Variants in RNF170 observed in about 807,000 individuals in gnomAD.
The protein encoded by RNF170 is E3 ubiquitin-protein ligase RNF170.
RNF170 carries 12 observed loss-of-function variants against 32.7 expected under a neutral mutation model. The observed-to-expected ratio is 0.37, with a 90% CI of 0.24 to 0.60. The LOEUF is 0.60. Among genes scored for constraint, RNF170 ranks in the 20% least tolerant of loss-of-function variants. The probability of loss-of-function intolerance (pLI) is 0.72; values close to 1 mark genes in which losing one functional copy is unlikely to be tolerated. For missense variants in RNF170, 212 were observed against 311.2 expected (o/e 0.68, Z 2.40); for synonymous variants, 91 against 103.6 (o/e 0.88, Z 0.74).
chr8:42,874,615 G>A (rs968077847), intron 2 of RNF170, among the ~76,000 whole-genome samples: 1 of 151,856 alleles, frequency 6.6e-6, no homozygotes, highest in African/African-American at 2.4e-5. Flanking sequence ...GGTGGCGGGC[G>A]CCTGTAATCT....
At chr8:42,880,251 G>A (rs907905541) in intron 2 of RNF170, among the ~76,000 whole-genome samples, 1 of 152,166 alleles carries the variant, frequency 6.6e-6, no homozygotes, top group East Asian at 1.9e-4. Context: ...ATCTAATCCT[G>A]GTAATGACAT....
At chr8:42,896,190 C>T in intron 1 of RNF170, 1 of 283,128 alleles carries the variant, frequency 3.5e-6, no homozygotes, top group Non-Finnish European at 7.0e-6. Context: ...AAGGAGAGTT[C>T]TCAGGGTCAC....
chr8:42,887,148 C>A (rs1355513568), intron 2 of RNF170, among the ~76,000 whole-genome samples: 2 of 151,940 alleles, frequency 1.3e-5, no homozygotes, highest in South Asian at 4.2e-4. Flanking sequence ...TAAAATAAGC[C>A]GGGCATGGTG....
intron 6 of RNF170, 81 bp downstream of exon 6, chr8:42,861,664 A>G (rs1464082804): frequency 8.7e-7 from 1 of 1,151,906 alleles, no homozygotes; most frequent in Non-Finnish European, 1.3e-6. Context: ...TAGTCAAAGA[A>G]TACTTGTTGG....
At chr8:42,883,751 T>G (rs972832545) in intron 2 of RNF170, among the ~76,000 whole-genome samples, 1 of 151,992 alleles carries the variant, frequency 6.6e-6, no homozygotes, top group South Asian at 2.1e-4. Context: ...TTAAAAAGTT[T>G]AACATGATAA....
At chr8:42,871,205 CA>C (rs35764216) in intron 3 of RNF170, among the ~76,000 whole-genome samples, 7,164 of 139,960 alleles carry the variant, frequency 0.051, 220 homozygotes, top group South Asian at 0.083. Flanking sequence ...GACCCTGTCT[CA>C]AAAAAAAAAA....
At chr8:42,861,460 C>A in intron 6 of RNF170, 1 of 330,434 alleles carries the variant, frequency 3.0e-6, no homozygotes, top group South Asian at 3.1e-5. Flanking sequence ...CCCATTTCAG[C>A]CTCCCAAGAA....
chr8:42,880,488 C>G (rs547294203), intron 2 of RNF170, among the ~76,000 whole-genome samples: 1 of 152,204 alleles, frequency 6.6e-6, no homozygotes, highest in East Asian at 1.9e-4. Flanking sequence ...TAAGAAATTG[C>G]CAGCCAGGCG....
chr8:42,885,001 C>T (rs148301452), intron 2 of RNF170, among the ~76,000 whole-genome samples: 7 of 19,296 alleles, frequency 3.6e-4, no homozygotes, highest in Admixed American at 1.0e-3. Flanking sequence ...CGCGCCCTGC[C>T]TCTCTTTTTA....
intron 2 of RNF170, among the ~76,000 whole-genome samples, chr8:42,875,444 T>C (rs1463951915): frequency 1.3e-5 from 2 of 152,182 alleles, no homozygotes; most frequent in East Asian, 1.9e-4. Context: ...GATTATTCAA[T>C]TGTTAGCAAA....
downstream of RNF170, chr8:42,850,898 T>A (rs1802923258): frequency 1.3e-6 from 2 of 1,551,576 alleles, no homozygotes; most frequent in East Asian, 2.4e-5. Context: ...GGCCCTGACC[T>A]GCATCCGACT....
rs1806916956 is a variant in RNF170 at position 42,896,555 on chromosome 8, G to A, written c.-79C>T. On this transcript the variant is annotated 5_prime_UTR_variant, in exon 1 of 7. Coordinates refer to ENST00000527424, the MANE Select transcript of RNF170 (RefSeq NM_030954.4). ...ACAGATTATTTCCAGGACCGCTCCCGCCACCCCTCCCGGGCAACCCACTAG... is the reference window on the plus strand; with the variant it reads ...ACAGATTATTTCCAGGACCGCTCCCACCACCCCTCCCGGGCAACCCACTAG... 2.2e-6 allele frequency: 1 copy of A among 453,828 alleles called. No individual in the cohort carries two copies. 28.1% of individuals were successfully genotyped at this position (453,828 alleles called of 1,614,324 possible). A position where few individuals can be genotyped will look rare whatever the true frequency, so the allele number is the denominator to read the frequency against.
intron 4 of RNF170, among the ~76,000 whole-genome samples, chr8:42,869,334 G>A (rs1052833987): frequency 6.6e-6 from 1 of 152,152 alleles, no homozygotes; most frequent in Admixed American, 6.5e-5. Context: ...CTTCTATGGC[G>A]TAAGAAGCCA....
intron 2 of RNF170, among the ~76,000 whole-genome samples, chr8:42,874,214 C>T (rs1342567152): frequency 1.3e-5 from 2 of 152,058 alleles, no homozygotes; most frequent in Admixed American, 6.6e-5. Flanking sequence ...CAGGTTCAAG[C>T]GGCAAATGGT....
intron 2 of RNF170, among the ~76,000 whole-genome samples, chr8:42,876,677 TGAG>T (rs1475155452): frequency 1.7e-4 from 25 of 146,474 alleles, no homozygotes; most frequent in Non-Finnish European, 3.0e-4. Flanking sequence ...TTTTTTTTTT[TGAG>T]ACAGAGTCTT....
intron 2 of RNF170, among the ~76,000 whole-genome samples, chr8:42,876,692 C>T (rs1804963693): frequency 1.6e-5 from 2 of 123,596 alleles, no homozygotes; most frequent in Non-Finnish European, 3.2e-5. Flanking sequence ...CAGAGTCTTG[C>T]TCTTTCGCCA....
intron 2 of RNF170, among the ~76,000 whole-genome samples, chr8:42,876,657 G>GTTTT (rs541650996): frequency 5.7e-5 from 7 of 123,020 alleles, no homozygotes; most frequent in Non-Finnish European, 8.3e-5. Flanking sequence ...TTTTTTGTGG[G>GTTTT]TTTTTTTTTT....
chr8:42,896,022 C>G (rs1356769665), intron 1 of RNF170, among the ~76,000 whole-genome samples: 3 of 152,204 alleles, frequency 2.0e-5, no homozygotes, highest in African/African-American at 7.2e-5. Flanking sequence ...AATTTATCGG[C>G]AGCCCAGCAG....
At chr8:42,868,057 TC>T (rs1804250944) in intron 4 of RNF170, among the ~76,000 whole-genome samples, 1 of 152,186 alleles carries the variant, frequency 6.6e-6, no homozygotes, top group Admixed American at 6.5e-5. Context: ...TTCATAACTT[TC>T]CTGGTGATTA....
Sources: gnomAD v4.1 joint callset for allele counts (sites outside exome capture counted in the v4.1 genomes callset) on GRCh38, gnomAD v4.1.1 for gene constraint, MANE v1.5 for transcripts, NCBI Gene and HGNC (gene_info 2026-07-23, HGNC 2026-07-21) for gene names.